PDE4D: variants seen among roughly 807,000 people sequenced by gnomAD.
PDE4D encodes 3',5'-cyclic-AMP phosphodiesterase 4D.
Under a neutral mutation model 87.4 loss-of-function variants are expected in PDE4D, and 24 were observed. The ratio of observed to expected loss-of-function variants is 0.27; its 90% CI spans 0.20 to 0.39. The LOEUF (loss-of-function observed/expected upper bound fraction) is 0.39, where lower values mean the gene tolerates loss of function less well. Among genes scored for constraint, PDE4D ranks in the 10% least tolerant of loss-of-function variants. The pLI, the probability that PDE4D is intolerant of heterozygous loss-of-function variation, is 1.00. For missense variants in PDE4D, 714 were observed against 1,041.0 expected, an observed-to-expected ratio of 0.69 and a Z score of 4.32; for synonymous variants, 384 against 383.2, an observed-to-expected ratio of 1.00 and a Z score of -0.02.
intron 1 of PDE4D, among the ~76,000 whole-genome samples, chr5:59,685,327 C>T (rs1749672079): frequency 6.6e-6 from 1 of 152,114 alleles, no homozygotes; most frequent in Admixed American, 6.5e-5. Context: ...TCATTTCTTC[C>T]AGCTCTTCTG....
intron 1 of PDE4D, among the ~76,000 whole-genome samples, chr5:60,204,769 ACTTT>A (rs1246190955): frequency 6.6e-6 from 1 of 152,146 alleles, no homozygotes; most frequent in Non-Finnish European, 1.5e-5. Context: ...AAACACACAG[ACTTT>A]TTAACCCAGA....
At chr5:60,392,964 C>T (rs189014518) in intron 1 of PDE4D, among the ~76,000 whole-genome samples, 6 of 152,296 alleles carry the variant, frequency 3.9e-5, no homozygotes, top group Admixed American at 2.0e-4. Flanking sequence ...ACGGGTTCTT[C>T]CCCTAAGGAA....
intron 2 of PDE4D, among the ~76,000 whole-genome samples, chr5:60,165,309 T>A (rs953380887): frequency 6.6e-6 from 1 of 152,192 alleles, no homozygotes; most frequent in African/African-American, 2.4e-5. Flanking sequence ...CAAAACTCAG[T>A]TGGCTACAAA....
intron 1 of PDE4D, among the ~76,000 whole-genome samples, chr5:59,784,263 A>G (rs796923488): frequency 2.4e-4 from 36 of 151,304 alleles, no homozygotes; most frequent in Admixed American, 7.9e-4. Flanking sequence ...AAAAAAAAAA[A>G]GGGGATTGTG....
At chr5:59,893,862 G>C (rs1472461891), upstream of PDE4D, 5 of 1,275,190 alleles carry the variant, frequency 3.9e-6, no homozygotes, top group Non-Finnish European at 5.0e-6. Flanking sequence ...GCAGAGACAC[G>C]CTCCCGGGCT....
chr5:60,024,335 T>A (rs1300122664), intron 2 of PDE4D, among the ~76,000 whole-genome samples: 1 of 152,198 alleles, frequency 6.6e-6, no homozygotes, highest in African/African-American at 2.4e-5. Context: ...GACATGAAAC[T>A]ATGCTTAGTT....
chr5:60,006,707 G>T (rs188566087), intron 2 of PDE4D, among the ~76,000 whole-genome samples: 1 of 152,040 alleles, frequency 6.6e-6, no homozygotes, highest in Admixed American at 6.6e-5. Context: ...ATTGTTCTGT[G>T]CTGTAAACAT....
intron 1 of PDE4D, among the ~76,000 whole-genome samples, chr5:60,221,273 A>G (rs1744465309): frequency 6.6e-6 from 1 of 152,126 alleles, no homozygotes; most frequent in Non-Finnish European, 1.5e-5. Context: ...GAAGTACATC[A>G]AAATAAAATA....
intron 2 of PDE4D, among the ~76,000 whole-genome samples, chr5:60,161,599 A>G (rs1782481015): frequency 6.6e-6 from 1 of 152,148 alleles, no homozygotes; most frequent in Non-Finnish European, 1.5e-5. Flanking sequence ...GAAACCCAAC[A>G]GTAATTTTTC....
chr5:59,690,217 A>G (rs1300698605), intron 1 of PDE4D, among the ~76,000 whole-genome samples: 1 of 152,144 alleles, frequency 6.6e-6, no homozygotes, highest in Non-Finnish European at 1.5e-5. Context: ...GAAAAAAACT[A>G]CTTTAAAGTT....
chr5:60,207,228 T>A (rs550201658), intron 1 of PDE4D, among the ~76,000 whole-genome samples: 1 of 152,230 alleles, frequency 6.6e-6, no homozygotes, highest in South Asian at 2.1e-4. Flanking sequence ...AAGAGAAACT[T>A]CTTGACTAGA....
intron 1 of PDE4D, chr5:59,275,564 CAT>C: frequency 7.1e-7 from 1 of 1,418,302 alleles, no homozygotes; most frequent in Non-Finnish European, 9.2e-7. Context: ...CGGTCCAGCT[CAT>C]GGGCAAGGTT....
At chr5:60,241,065 T>C (rs1747054477) in intron 1 of PDE4D, among the ~76,000 whole-genome samples, 2 of 152,086 alleles carry the variant, frequency 1.3e-5, no homozygotes, top group Non-Finnish European at 2.9e-5. Context: ...AACAGATATA[T>C]GTGACCTTTC....
At chr5:59,352,752 A>G (rs1346989340) in intron 1 of PDE4D, among the ~76,000 whole-genome samples, 1 of 152,122 alleles carries the variant, frequency 6.6e-6, no homozygotes, top group Non-Finnish European at 1.5e-5. Flanking sequence ...TACCATTTGT[A>G]CTTTTGTTTG....
intron 5 of PDE4D, among the ~76,000 whole-genome samples, chr5:59,125,733 G>C (rs1775291470): frequency 6.6e-6 from 1 of 152,192 alleles, no homozygotes; most frequent in Non-Finnish European, 1.5e-5. Flanking sequence ...GGCAGGATGC[G>C]ATGGGGGAGC....
intron 1 of PDE4D, among the ~76,000 whole-genome samples, chr5:59,284,457 C>G (rs1766475870): frequency 6.6e-6 from 1 of 152,074 alleles, no homozygotes; most frequent in Non-Finnish European, 1.5e-5. Flanking sequence ...GCATAAATGT[C>G]TTCTTTTGAG....
chr5:59,844,935 G>C (rs1425844758), intron 1 of PDE4D, among the ~76,000 whole-genome samples: 5 of 152,156 alleles, frequency 3.3e-5, no homozygotes, highest in African/African-American at 1.2e-4. Flanking sequence ...TTCTCTTGCT[G>C]GTCTTGAAGT....
chr5:59,738,600 G>C (rs1758412757), intron 1 of PDE4D, among the ~76,000 whole-genome samples: 1 of 151,878 alleles, frequency 6.6e-6, no homozygotes. Flanking sequence ...GGTACACTAG[G>C]GGCCCCAGTT....
intron 5 of PDE4D, among the ~76,000 whole-genome samples, chr5:59,153,313 C>T (rs1779713603): frequency 6.6e-6 from 1 of 152,144 alleles, no homozygotes; most frequent in African/African-American, 2.4e-5. Flanking sequence ...AAATGTTGTC[C>T]TTTTCACAAA....
Sources: gnomAD v4.1 joint callset for allele counts (sites outside exome capture counted in the v4.1 genomes callset) on GRCh38, gnomAD v4.1.1 for gene constraint, MANE v1.5 for transcripts, NCBI Gene and HGNC (gene_info 2026-07-23, HGNC 2026-07-21) for gene names.